The following CROCC variants were observed in gnomAD, a reference collection of about 807,000 sequenced individuals.
The protein encoded by CROCC is ciliary rootlet coiled-coil, rootletin.
Under a neutral mutation model 245.2 loss-of-function variants are expected in CROCC, and 180 were observed. The ratio of observed to expected loss-of-function variants is 0.73; its 90% CI spans 0.65 to 0.83. CROCC has a LOEUF of 0.83. Among genes scored for constraint, CROCC ranks in the 40% least tolerant of loss-of-function variants. CROCC has a pLI of 0.00. For synonymous variants in CROCC, 1,205 were observed against 1,241.6 expected, an observed-to-expected ratio of 0.97 and a Z score of 0.62; for missense variants, 2,688 against 2,779.4, an observed-to-expected ratio of 0.97 and a Z score of 0.74.
intron 3 of CROCC, 96 bp downstream of exon 3, chr1:16,924,575 G>C: frequency 6.7e-7 from 1 of 1,490,170 alleles, no homozygotes; most frequent in Non-Finnish European, 9.1e-7. Flanking sequence ...CAAAAGATGG[G>C]CCCTGGAGTC....
chr1:16,923,825 C>G (rs1211686383), intron 2 of CROCC, among the ~76,000 whole-genome samples: 1 of 152,210 alleles, frequency 6.6e-6, no homozygotes, highest in African/African-American at 2.4e-5. Context: ...GGACTACAGG[C>G]ATACACCACC....
intron 13 of CROCC, 122 bp downstream of exon 13, chr1:16,940,215 T>A: frequency 2.8e-6 from 3 of 1,083,554 alleles, no homozygotes; most frequent in Non-Finnish European, 3.9e-6. Flanking sequence ...CATGTGCCTA[T>A]TAACGTTTAT....
Position 16,948,317 on chromosome 1 carries a change from TGGGTG to T in CROCC, c.2515-10_2515-6del, listed in dbSNP as rs1305348941. ...GACGCTGGGAGTGCTACTCAGTCTC[TGGGTG>T]GGGGCCAGCTCTCCCGGCAGCTGAG... On this transcript the variant is annotated splice_polypyrimidine_tract_variant and intron_variant, in intron 17 of 36. Transcript: ENST00000375541. 1 of 1,551,708 alleles carries T rather than the reference TGGGTG, an allele frequency of 6.4e-7. No individual in the cohort carries two copies. Among genetic ancestry groups the T allele is most frequent in the African/African-American group, 1.3e-5 (1 of 74,152 alleles).
In CROCC at chr1:16,972,516, CCCA is replaced by C; in HGVS notation, c.*73_*75del. 3 of 1,027,914 alleles carry C rather than the reference CCCA, an allele frequency of 2.9e-6. No individual in the cohort carries two copies. The highest frequency in any genetic ancestry group is 4.2e-6 in the Non-Finnish European group (3 of 720,992). 63.7% of individuals were successfully genotyped at this position (1,027,914 alleles called of 1,614,324 possible). A position where few individuals can be genotyped will look rare whatever the true frequency, so the allele number is the denominator to read the frequency against. On this transcript the variant is annotated 3_prime_UTR_variant, in exon 37 of 37. Coordinates refer to ENST00000375541, the MANE Select transcript of CROCC (RefSeq NM_014675.5). Reference sequence around the variant, plus strand: ...GAGGACCCTTCTTTTGGACAGCCCCCCCACCCAGAGCCCGGTCCCTTGGGGGCC... The same window carrying C: ...GAGGACCCTTCTTTTGGACAGCCCCCCCCAGAGCCCGGTCCCTTGGGGGCC...
In CROCC at chr1:16,953,360, G is replaced by A. The variant is rs781778669; in HGVS notation, c.3065G>A (p.Arg1022His). 7 of 1,608,634 alleles carry A rather than the reference G, an allele frequency of 4.4e-6. No homozygotes were observed. The highest frequency in any genetic ancestry group is 2.2e-5 in the East Asian group (1 of 44,832). Reference protein sequence around the residue: ...ERAQLQSQLQREQEELLARLE... With the variant: ...ERAQLQSQLQHEQEELLARLE... ...GCCCAGCTGCAGAGTCAGCTGCAGC[G>A]TGAGCAGGAGGAGCTGCTGGCCCGG... Residue 1022 changes from arginine (R) to histidine (H), a missense_variant, in exon 21 of 37, where the codon CGT (arginine) becomes CAT (histidine). Arg to His is a conservative substitution (Grantham distance 29). Around this residue, in one of 9 missense-constraint regions of CROCC, gnomAD observed 106 missense variants for 126.1 expected, o/e 0.84. Coordinates refer to ENST00000375541, the MANE Select transcript of CROCC (RefSeq NM_014675.5).
chr1:16,923,658 G>T (rs2100322163), intron 2 of CROCC, among the ~76,000 whole-genome samples: 1 of 148,724 alleles, frequency 6.7e-6, no homozygotes, highest in South Asian at 2.1e-4. Flanking sequence ...GGAGGATCTG[G>T]TTACTACTAT....
chr1:16,949,913 G>A (rs1204723069), intron 19 of CROCC, among the ~76,000 whole-genome samples: 3 of 145,008 alleles, frequency 2.1e-5, no homozygotes, highest in Non-Finnish European at 4.5e-5. Flanking sequence ...GGGATTACAG[G>A]CATGCATCAC....
At chr1:16,936,431 C>T (rs2075788992) in intron 8 of CROCC, among the ~76,000 whole-genome samples, 1 of 152,270 alleles carries the variant, frequency 6.6e-6, no homozygotes. Flanking sequence ...CCATGCCTGG[C>T]TAATTTTTTG....
At chr1:16,962,534 CAAAAAAAAA>C (rs1197806001) in intron 27 of CROCC, among the ~76,000 whole-genome samples, 9 of 21,882 alleles carry the variant, frequency 4.1e-4, no homozygotes, top group Non-Finnish European at 6.5e-4. Context: ...GACTCCGTCT[CAAAAAAAAA>C]AAAAAAAAAA....
intron 23 of CROCC, 47 bp from the exon 24 acceptor site, chr1:16,955,265 G>T: frequency 2.6e-6 from 4 of 1,518,774 alleles, no homozygotes; most frequent in South Asian, 1.1e-5. Flanking sequence ...CCAGCTTGAC[G>T]GGGGGGTCCC....
At chr1:16,916,576 G>A (rs1317969287) in intron 1 of CROCC, among the ~76,000 whole-genome samples, 5 of 152,280 alleles carry the variant, frequency 3.3e-5, no homozygotes, top group Non-Finnish European at 7.3e-5. Flanking sequence ...ACACAACCAC[G>A]GCTCATTGCA....
upstream of CROCC, among the ~76,000 whole-genome samples, chr1:16,918,300 C>CTTTTTTTTTTT (rs201445636): frequency 2.4e-5 from 3 of 123,872 alleles, no homozygotes; most frequent in African/African-American, 2.9e-5. Context: ...GGAATTCAGT[C>CTTTTTTTTTTT]TTTTTTTTTT....
chr1:16,929,901 G>T lies in CROCC; in HGVS notation c.407G>T (p.Gly136Val), dbSNP rs373731769. The change falls in exon 4 of 37, where the codon GGG becomes GTG. Residue 136 changes from glycine (G) to valine (V), a missense_variant. Gly to Val is a moderately radical substitution (Grantham distance 109). Around this residue, in one of 9 missense-constraint regions of CROCC, gnomAD observed 972 missense variants for 895.3 expected, o/e 1.09. Transcript: ENST00000375541. The stretch of plus-strand genomic sequence containing the variant: ...GAGCTGGAGACGCAGGAGCCCAGGG[G>T]GCTGGTACGGCAGAGCGTGGAGTTG... ...PGELETQEPR[G>V]LVRQSVELRR... 6.3e-7 allele frequency: 1 copy of T among 1,588,486 alleles called. No homozygotes were observed.
chr1:16,933,128 T>C (rs191111857), intron 8 of CROCC, among the ~76,000 whole-genome samples: 499 of 152,272 alleles, frequency 3.3e-3, no homozygotes, highest in Middle Eastern at 6.8e-3. Flanking sequence ...CTTTTGTTAA[T>C]ATCATCAAAT....
intron 18 of CROCC, 71 bp downstream of exon 18, chr1:16,948,595 C>T: frequency 1.4e-6 from 2 of 1,473,002 alleles, no homozygotes; most frequent in South Asian, 1.4e-5. Context: ...CAGCCACACG[C>T]AGGCACGGGC....
chr1:16,930,280 A>G lies in CROCC; in HGVS notation c.622-6A>G. On this transcript the variant is annotated splice_polypyrimidine_tract_variant and splice_region_variant and intron_variant, in intron 5 of 36. Coordinates refer to ENST00000375541, the MANE Select transcript of CROCC (RefSeq NM_014675.5). ...AACCTGATGCTTTAACCTCTCTCCC[A>G]CCCAGGACACAGAGCACAGCCAAGA... 6.2e-7 allele frequency: 1 copy of G among 1,601,120 alleles called. No individual in the cohort carries two copies. Among genetic ancestry groups the G allele is most frequent in the East Asian group, 2.2e-5 (1 of 44,514 alleles).
intron 12 of CROCC, 94 bp from the exon 13 acceptor site, chr1:16,939,800 C>T: frequency 2.1e-6 from 3 of 1,449,194 alleles, no homozygotes; most frequent in Non-Finnish European, 2.9e-6. Flanking sequence ...CCCCGCCTAG[C>T]GTAGGCTAGT....
intron 8 of CROCC, among the ~76,000 whole-genome samples, chr1:16,933,240 C>T (rs1323867965): frequency 6.6e-6 from 1 of 152,268 alleles, no homozygotes; most frequent in Admixed American, 6.5e-5. Flanking sequence ...CCGAGGCGGG[C>T]GGACCACCTG....
In CROCC at chr1:16,954,147, C is replaced by T; in HGVS notation, c.3187-76C>T. The T allele has an allele frequency of 1.4e-6, 2 of 1,464,904 alleles. No homozygotes were observed. The highest frequency in any genetic ancestry group is 9.3e-7 in the Non-Finnish European group (1 of 1,072,560). 90.7% of individuals were successfully genotyped at this position (1,464,904 alleles called of 1,614,324 possible). On this transcript the variant is annotated intron_variant, in intron 21 of 36. Transcript: ENST00000375541. This position sits in a 1 kb window ranked among gnomAD's most constrained non-coding sequence, Gnocchi z 4.4. ...TCTAAGCCCCCAGTGGGCACATTTC[C>T]TAGGCAGCAAGAAGCCTGAGCATGC...
Sources: allele counts gnomAD v4.1 joint callset (sites outside exome capture counted in the v4.1 genomes callset), GRCh38; gene constraint gnomAD v4.1.1; regional missense constraint gnomAD v4.1.1; non-coding constraint Gnocchi (gnomAD v3.1); transcripts MANE v1.5; gene names NCBI Gene and HGNC (gene_info 2026-07-23, HGNC 2026-07-21).